NSG1: variants seen among roughly 807,000 people sequenced by gnomAD.
NSG1 encodes neuronal vesicle trafficking associated 1.
In NSG1, 9 loss-of-function variants were observed where a neutral mutation model predicts 19.3. The observed-to-expected ratio is 0.47, with a 90% confidence interval of 0.28 to 0.81. The LOEUF is 0.81. Among genes scored for constraint, NSG1 ranks in the 40% least tolerant of loss-of-function variants. The pLI is 0.11. For synonymous variants in NSG1, 104 were observed against 107.0 expected, an observed-to-expected ratio of 0.97 and a Z score of 0.17; for missense variants, 236 against 242.4, an observed-to-expected ratio of 0.97 and a Z score of 0.18.
At chr4:4,396,268 TGTC>T (rs1375725645) in intron 3 of NSG1, among the ~76,000 whole-genome samples, 1 of 152,088 alleles carries the variant, frequency 6.6e-6, no homozygotes, top group African/African-American at 2.4e-5. Context: ...GTCTGGAGAC[TGTC>T]ATTAGGGGCC....
At chr4:4,397,304 C>A (rs1402356985) in intron 3 of NSG1, among the ~76,000 whole-genome samples, 1 of 152,166 alleles carries the variant, frequency 6.6e-6, no homozygotes, top group East Asian at 1.9e-4. Context: ...CTTGGGGCGC[C>A]ATGAGCACTG....
chr4:4,388,852 C>T (rs899062966), intron 2 of NSG1, among the ~76,000 whole-genome samples: 4 of 152,064 alleles, frequency 2.6e-5, no homozygotes, highest in Admixed American at 2.0e-4. Flanking sequence ...AGGCTGGCAG[C>T]GGGGGTTTCA....
At chr4:4,416,671 C>T (rs557699851) in intron 4 of NSG1, among the ~76,000 whole-genome samples, 2 of 152,216 alleles carry the variant, frequency 1.3e-5, no homozygotes, top group East Asian at 1.9e-4. Flanking sequence ...CCCCAACCCA[C>T]GGCCCCTCCC....
intron 3 of NSG1, among the ~76,000 whole-genome samples, chr4:4,400,478 C>G (rs371149288): frequency 3.3e-5 from 5 of 152,098 alleles, no homozygotes; most frequent in African/African-American, 1.2e-4. Context: ...TTTCGGCAAA[C>G]AAACAAAAAG....
chr4:4,400,499 T>A (rs970634384), intron 3 of NSG1, among the ~76,000 whole-genome samples: 1 of 152,244 alleles, frequency 6.6e-6, no homozygotes, highest in African/African-American at 2.4e-5. Flanking sequence ...ACCTTTGGGT[T>A]GCTGACAGAG....
In NSG1 at chr4:4,387,676, C is replaced by T. The variant is rs768216770; in HGVS notation, c.47C>T (p.Pro16Leu). ...TTCGCAGAGAAGGGCACCAAGCAGC[C>T]GCTGCTGGAGGATGGCTTCGACACC... The part of the protein sequence containing the change: ...NNFAEKGTKQ[P>L]LLEDGFDTIP... The change falls in exon 2 of 5, where the codon CCG becomes CTG. Residue 16 changes from proline to leucine, a missense_variant. Pro to Leu is a moderately conservative substitution (Grantham distance 98). Coordinates refer to ENST00000621129, the MANE Select transcript of NSG1 (RefSeq NM_014392.5). 3 of 1,613,850 alleles carry T rather than the reference C, an allele frequency of 1.9e-6. No homozygotes were observed. The highest frequency in any genetic ancestry group is 1.1e-5 in the South Asian group (1 of 91,084).
intron 3 of NSG1, among the ~76,000 whole-genome samples, chr4:4,398,754 A>G (rs1407255573): frequency 6.6e-6 from 1 of 152,120 alleles, no homozygotes; most frequent in Non-Finnish European, 1.5e-5. Context: ...GTGAACATTC[A>G]TTTACAGGTT....
chr4:4,394,697 A>G (rs1485460464), intron 3 of NSG1, among the ~76,000 whole-genome samples: 2 of 152,240 alleles, frequency 1.3e-5, no homozygotes, highest in Non-Finnish European at 2.9e-5. Context: ...GCTCCTTGAT[A>G]TCATCTCTCT....
intron 4 of NSG1, among the ~76,000 whole-genome samples, chr4:4,414,275 G>A (rs956866578): frequency 4.7e-4 from 72 of 151,712 alleles, no homozygotes; most frequent in Non-Finnish European, 6.8e-4. Flanking sequence ...TGAGACTGGC[G>A]GCCACAATGG....
intron 4 of NSG1, 151 bp from the exon 5 acceptor site, chr4:4,417,084 C>A: frequency 1.5e-6 from 1 of 663,236 alleles, no homozygotes. Context: ...TGTGCTCTCT[C>A]AGGGCAAGAT....
chr4:4,406,846 G>A (rs1014445044), intron 3 of NSG1, among the ~76,000 whole-genome samples: 1 of 152,222 alleles, frequency 6.6e-6, no homozygotes, highest in African/African-American at 2.4e-5. Flanking sequence ...GCACCATCAG[G>A]GCTTGCGGCT....
At chr4:4,402,371 ATTTTTTTTTTTT>A (rs1161754574) in intron 3 of NSG1, among the ~76,000 whole-genome samples, 22 of 53,956 alleles carry the variant, frequency 4.1e-4, no homozygotes, top group Non-Finnish European at 2.4e-4. Flanking sequence ...ACGCCTGGTT[ATTTTTTTTTTTT>A]TTTTTTTTTT....
chr4:4,407,269 G>A (rs534707224), intron 3 of NSG1, among the ~76,000 whole-genome samples: 2 of 152,342 alleles, frequency 1.3e-5, no homozygotes, highest in African/African-American at 4.8e-5. Context: ...GGGACCAGGA[G>A]GATGGGCCTG....
chr4:4,401,767 T>C (rs1158288916), intron 3 of NSG1, among the ~76,000 whole-genome samples: 1 of 152,180 alleles, frequency 6.6e-6, no homozygotes, highest in African/African-American at 2.4e-5. Flanking sequence ...TGAGGTGCTT[T>C]GGCCATCATG....
chr4:4,410,582 T>C (rs1724121963), intron 4 of NSG1, among the ~76,000 whole-genome samples: 1 of 152,176 alleles, frequency 6.6e-6, no homozygotes, highest in African/African-American at 2.4e-5. Flanking sequence ...TGGTAAGTAT[T>C]TGTGTATCTA....
rs1239853373 is a variant in NSG1 at position 4,418,581 on chromosome 4, T to A, written c.*1146T>A. 1 of 152,652 alleles carries A rather than the reference T, an allele frequency of 6.6e-6. No homozygotes were observed. The highest frequency in any genetic ancestry group is 1.5e-5 in the Non-Finnish European group (1 of 68,038). 9.5% of individuals were successfully genotyped at this position (152,652 alleles called of 1,614,324 possible). On this transcript the variant is annotated 3_prime_UTR_variant, in exon 5 of 5. Coordinates refer to ENST00000621129, the MANE Select transcript of NSG1 (RefSeq NM_014392.5). ...AGATGAACTAAGTGTGTAAAACAAA[T>A]AGAAAAGACATTCGCAGACATTTCT...
At position 4,417,654 on chromosome 4, in the gene NSG1, C is replaced by A; in HGVS notation, c.*219C>A. On this transcript the variant is annotated 3_prime_UTR_variant, in exon 5 of 5. Transcript: ENST00000621129. ...CATTGCCTAAAGAGCTCTGACACCA[C>A]TTTTCATGTTAAGATCTTCATTTAG... 1 of 560,044 alleles carries A rather than the reference C, an allele frequency of 1.8e-6. No homozygotes were observed. Among genetic ancestry groups the A allele is most frequent in the Non-Finnish European group, 3.2e-6 (1 of 315,310 alleles). 34.7% of individuals were successfully genotyped at this position (560,044 alleles called of 1,614,324 possible). A position where few individuals can be genotyped will look rare whatever the true frequency, so the allele number is the denominator to read the frequency against.
At chr4:4,415,839 G>A (rs1724500129) in intron 4 of NSG1, 5 of 453,832 alleles carry the variant, frequency 1.1e-5, no homozygotes, top group Non-Finnish European at 1.6e-5. Flanking sequence ...AGCAGATGGA[G>A]AGGACAGCGT....
intron 2 of NSG1, among the ~76,000 whole-genome samples, chr4:4,390,584 G>A (rs1176257325): frequency 6.6e-6 from 1 of 152,200 alleles, no homozygotes; most frequent in East Asian, 1.9e-4. Context: ...GGAGGTGGCT[G>A]GCTGTCTCTA....
Sources: gnomAD v4.1 joint callset for allele counts (sites outside exome capture counted in the v4.1 genomes callset) on GRCh38, gnomAD v4.1.1 for gene constraint, MANE v1.5 for transcripts, NCBI Gene and HGNC (gene_info 2026-07-23, HGNC 2026-07-21) for gene names.